ZNF280D: variants seen among roughly 807,000 people sequenced by gnomAD.
ZNF280D encodes the protein zinc finger protein 280D.
In ZNF280D, 39 loss-of-function variants were observed where a neutral mutation model predicts 94.7. That is an observed-to-expected ratio of 0.41 (90% CI 0.32 to 0.54). The LOEUF (loss-of-function observed/expected upper bound fraction) is 0.54. Among genes scored for constraint, ZNF280D ranks in the 20% least tolerant of loss-of-function variants. The pLI is 0.22. For missense variants in ZNF280D, 1,090 were observed against 1,149.3 expected, an observed-to-expected ratio of 0.95 and a Z score of 0.75; for synonymous variants, 398 against 377.6, an observed-to-expected ratio of 1.05 and a Z score of -0.63.
intron 13 of ZNF280D, among the ~76,000 whole-genome samples, chr15:56,670,980 C>T (rs1351755747): frequency 6.6e-6 from 1 of 151,934 alleles, no homozygotes; most frequent in Non-Finnish European, 1.5e-5. Flanking sequence ...TGTATGTCTT[C>T]TTTTGAGACG....
chr15:56,717,904 A>G (rs974396677), intron 1 of ZNF280D, among the ~76,000 whole-genome samples: 14 of 152,168 alleles, frequency 9.2e-5, no homozygotes, highest in Admixed American at 3.3e-4. Flanking sequence ...AGAACAAAAC[A>G]ATTAGCAGTT....
chr15:56,633,641 C>T (rs562124053), intron 21 of ZNF280D, among the ~76,000 whole-genome samples: 1 of 151,890 alleles, frequency 6.6e-6, no homozygotes, highest in African/African-American at 2.4e-5. Context: ...CAGGCACGTG[C>T]CACCAAGCCC....
chr15:56,659,904 G>GA (rs571524824), intron 16 of ZNF280D, among the ~76,000 whole-genome samples: 1,884 of 143,076 alleles, frequency 0.013, 13 homozygotes, highest in South Asian at 0.025. Flanking sequence ...GGAAAAAAAG[G>GA]AAAAAAAAAA....
intron 1 of ZNF280D, chr15:56,732,818 T>C (rs2058964510): frequency 6.6e-6 from 1 of 152,246 alleles, no homozygotes; most frequent in African/African-American, 2.4e-5. Flanking sequence ...TAAGTGAACC[T>C]TGCAAAGCTC....
chr15:56,661,387 C>T (rs936948656), intron 16 of ZNF280D, among the ~76,000 whole-genome samples: 1 of 152,004 alleles, frequency 6.6e-6, no homozygotes, highest in African/African-American at 2.4e-5. Context: ...GATTTGCCTA[C>T]AGCAAAAGAA....
At chr15:56,701,118 T>C (rs760116025) in intron 5 of ZNF280D, 46 bp from the exon 6 acceptor site, 131 of 1,610,778 alleles carry the variant, frequency 8.1e-5, no homozygotes, top group Non-Finnish European at 1.0e-4. Context: ...TTGTACATAA[T>C]CAATTTTGTC....
At chr15:56,684,077 AC>A (rs1355198167) in intron 9 of ZNF280D, among the ~76,000 whole-genome samples, 2 of 152,136 alleles carry the variant, frequency 1.3e-5, no homozygotes, top group African/African-American at 4.8e-5. Flanking sequence ...AGTACCCCAG[AC>A]CTGATTCAGT....
At chr15:56,662,129 C>G (rs1055581745) in intron 16 of ZNF280D, among the ~76,000 whole-genome samples, 2 of 152,032 alleles carry the variant, frequency 1.3e-5, no homozygotes, top group Non-Finnish European at 2.9e-5. Context: ...ACTTAATTCT[C>G]TTTTATGTAA....
intron 21 of ZNF280D, among the ~76,000 whole-genome samples, chr15:56,634,747 T>A (rs1045090598): frequency 6.6e-6 from 1 of 152,112 alleles, no homozygotes; most frequent in Non-Finnish European, 1.5e-5. Context: ...TATGAAAATT[T>A]TAAAAGCCAA....
chr15:56,690,854 AG>A (rs2056384914), intron 7 of ZNF280D, among the ~76,000 whole-genome samples: 2 of 152,158 alleles, frequency 1.3e-5, no homozygotes, highest in South Asian at 4.1e-4. Flanking sequence ...AAGTCAGATA[AG>A]TTCAAATCCA....
intron 19 of ZNF280D, among the ~76,000 whole-genome samples, chr15:56,649,694 G>C (rs1279939567): frequency 1.3e-5 from 2 of 151,528 alleles, no homozygotes; most frequent in Admixed American, 6.6e-5. Flanking sequence ...TTATAATTTA[G>C]GATTATGACC....
rs1440085554 is a variant in ZNF280D at position 56,682,277 on chromosome 15, C to T, written c.981G>A (p.Leu327=). ...ACCTAATGTTATTTTTTAGAATTTTCAAGCAACTGAAGCATTTAAAGGTTG... is the reference window on the plus strand; with the variant it reads ...ACCTAATGTTATTTTTTAGAATTTTTAAGCAACTGAAGCATTTAAAGGTTG... ...THTTFKCFSC[L]KILKNNIRFM... The change falls in exon 10 of 22, where the codon TTG becomes TTA. Residue 327 remains leucine, a synonymous_variant. Transcript: ENST00000267807. The T allele has an allele frequency of 6.4e-7, 1 of 1,563,244 alleles. No homozygotes were observed. The highest frequency in any genetic ancestry group is 1.4e-5 in the African/African-American group (1 of 71,432).
At chr15:56,712,865 C>G (rs200958080) in intron 1 of ZNF280D, among the ~76,000 whole-genome samples, 1 of 151,374 alleles carries the variant, frequency 6.6e-6, no homozygotes, top group Non-Finnish European at 1.5e-5. Flanking sequence ...CTCAGCCTCC[C>G]GAGTAGCTGG....
In ZNF280D at chr15:56,722,200, T is replaced by C. The variant is rs567731355; in HGVS notation, c.-86+11258A>G. Reference sequence around the variant, plus strand: ...TTGCAGTGCCCCAAAACAATTACAATAGTAACATTAAAGATCACTGATCAG... The same window carrying C: ...TTGCAGTGCCCCAAAACAATTACAACAGTAACATTAAAGATCACTGATCAG... On this transcript the variant is annotated intron_variant, in intron 1 of 21. Transcript: ENST00000267807. Among the ~76,000 whole-genome samples, 8 of 152,142 alleles carry C rather than the reference T, an allele frequency of 5.3e-5. No individual in the cohort carries two copies. In the East Asian group the frequency reaches 7.7e-4, roughly 15 times the overall value.
intron 11 of ZNF280D, 110 bp downstream of exon 11, chr15:56,678,554 C>A (rs1326504242): frequency 1.9e-6 from 2 of 1,071,952 alleles, no homozygotes; most frequent in African/African-American, 3.3e-5. Flanking sequence ...CCCTCAAATT[C>A]CAAAGTCTAG....
At chr15:56,727,381 C>A (rs938523523) in intron 1 of ZNF280D, among the ~76,000 whole-genome samples, 1 of 152,120 alleles carries the variant, frequency 6.6e-6, no homozygotes, top group Non-Finnish European at 1.5e-5. Context: ...ATCACTTGAA[C>A]CCGGGAAGTG....
chr15:56,713,851 A>G (rs1375909910), intron 1 of ZNF280D, among the ~76,000 whole-genome samples: 2 of 152,176 alleles, frequency 1.3e-5, no homozygotes, highest in Non-Finnish European at 1.5e-5. Flanking sequence ...GAAAATTGGA[A>G]ATTACTGTAA....
intron 19 of ZNF280D, among the ~76,000 whole-genome samples, chr15:56,643,463 T>C (rs1255615786): frequency 6.6e-6 from 1 of 151,688 alleles, no homozygotes; most frequent in East Asian, 1.9e-4. Flanking sequence ...AACAATATTA[T>C]AGTTAACTTA....
At chr15:56,722,182 G>A (rs547764945) in intron 1 of ZNF280D, among the ~76,000 whole-genome samples, 42 of 152,210 alleles carry the variant, frequency 2.8e-4, no homozygotes, top group Admixed American at 2.6e-4. Flanking sequence ...AGTTTGCAGT[G>A]CCCCAAAACA....
Sources: gnomAD v4.1 joint callset for allele counts (sites outside exome capture counted in the v4.1 genomes callset) on GRCh38, gnomAD v4.1.1 for gene constraint, MANE v1.5 for transcripts, NCBI Gene and HGNC (gene_info 2026-07-23, HGNC 2026-07-21) for gene names.